The following TMIGD1 variants were observed in gnomAD, a reference collection of about 807,000 sequenced individuals.
TMIGD1 encodes transmembrane and immunoglobulin domain containing 1.
A neutral mutation model predicts 27.5 loss-of-function variants in TMIGD1; 29 were observed. That is an observed-to-expected ratio of 1.05 (90% CI 0.78 to 1.44). The LOEUF is 1.44. TMIGD1 is among the 40% of genes most tolerant of loss of function. The probability of loss-of-function intolerance (pLI) is 0.00; values close to 1 mark genes in which losing one functional copy is unlikely to be tolerated. For missense variants in TMIGD1, 334 were observed against 310.6 expected (o/e 1.08, Z -0.57); for synonymous variants, 109 against 110.3 (o/e 0.99, Z 0.07).
intron 3 of TMIGD1, among the ~76,000 whole-genome samples, chr17:30,326,236 A>G (rs894260655): frequency 6.6e-6 from 1 of 152,182 alleles, no homozygotes; most frequent in Admixed American, 6.5e-5. Context: ...CCATTTGTGG[A>G]CAGATTCTGT....
Position 30,329,290 on chromosome 17 carries a change from C to T in TMIGD1, c.322G>A (p.Asp108Asn), listed in dbSNP as rs1243152582. The T allele has an allele frequency of 1.2e-6, 2 of 1,614,124 alleles. No homozygotes were observed. Among genetic ancestry groups the T allele is most frequent in the Non-Finnish European group, 1.7e-6 (2 of 1,180,026 alleles). Residue 108 changes from aspartate to asparagine, a missense_variant, in exon 3 of 7, where the codon GAT becomes AAT. By Grantham distance (23) the Asp-to-Asn change is conservative. Coordinates refer to ENST00000328886, the MANE Select transcript of TMIGD1 (RefSeq NM_206832.3). ...ACCACCGAAACGGACACGGACTGAT[C>T]CCTCCCCAGCCTGCAGGTAAAGCTG... ...GISFTCRLGR[D>N]QSVSVSVVLN...
chr17:30,317,299 A>G (rs561848512), intron 5 of TMIGD1, 66 bp from the exon 6 acceptor site: 46 of 1,582,084 alleles, frequency 2.9e-5, no homozygotes, highest in Admixed American at 1.5e-4. Context: ...TTTTGAATGC[A>G]TTAAGATGGC....
intron 5 of TMIGD1, among the ~76,000 whole-genome samples, chr17:30,318,401 A>T (rs1407113844): frequency 6.6e-6 from 1 of 152,236 alleles, no homozygotes; most frequent in Non-Finnish European, 1.5e-5. Context: ...CAGCCAGGGC[A>T]TGTGGCTATA....
intron 2 of TMIGD1, 129 bp downstream of exon 2, chr17:30,331,923 T>C: frequency 1.5e-6 from 1 of 660,368 alleles, no homozygotes; most frequent in South Asian, 1.9e-5. Context: ...ACTCCTGTAC[T>C]GTGAGCCATG....
Position 30,325,058 on chromosome 17 carries a change from A to G in TMIGD1, c.398T>C (p.Val133Ala). Residue 133 changes from valine to alanine, a missense_variant, in exon 4 of 7, where the codon GTT becomes GCT. Transcript: ENST00000328886. ...PLLSGNDFQT[V>A]EEGSNVKLVC... ...CAACTTCACATTACTGCCTTCCTCA[A>G]CTGTTTGGAAGTCGTTTCCACTTAG... 6.2e-7 allele frequency: 1 copy of G among 1,613,946 alleles called. No individual in the cohort carries two copies. Among genetic ancestry groups the G allele is most frequent in the Non-Finnish European group, 8.5e-7 (1 of 1,179,888 alleles).
At chr17:30,318,090 AG>A (rs1330683796) in intron 5 of TMIGD1, among the ~76,000 whole-genome samples, 3 of 150,274 alleles carry the variant, frequency 2.0e-5, no homozygotes, top group Non-Finnish European at 4.5e-5. Flanking sequence ...AAAGAAAGAA[AG>A]GAAGACAGAA....
intron 3 of TMIGD1, among the ~76,000 whole-genome samples, chr17:30,326,520 TTCTC>T (rs1056860880): frequency 3.3e-5 from 5 of 152,202 alleles, no homozygotes; most frequent in African/African-American, 1.2e-4. Context: ...AATACTTCCT[TTCTC>T]TCAGTAACTT....
At position 30,316,668 on chromosome 17, in the gene TMIGD1, C is replaced by G; in HGVS notation, c.*19G>C. The G allele has an allele frequency of 6.2e-7, 1 of 1,613,000 alleles. No homozygotes were observed. Among genetic ancestry groups the G allele is most frequent in the Non-Finnish European group, 8.5e-7 (1 of 1,179,436 alleles). ...CCTGATGCAAAACTCTCTCTGTATT[C>G]GATGGCATCTCAGCTTTCTCATCTG... On this transcript the variant is annotated 3_prime_UTR_variant, in exon 7 of 7. Coordinates refer to ENST00000328886, the MANE Select transcript of TMIGD1 (RefSeq NM_206832.3).
chr17:30,322,525 G>A (rs1328390794), intron 4 of TMIGD1, among the ~76,000 whole-genome samples: 4 of 152,134 alleles, frequency 2.6e-5, no homozygotes, highest in African/African-American at 9.7e-5. Context: ...TTGAGACAGA[G>A]TTTCACTCTT....
intron 5 of TMIGD1, among the ~76,000 whole-genome samples, chr17:30,317,754 C>T (rs1335438308): frequency 3.7e-5 from 5 of 136,744 alleles, no homozygotes; most frequent in Non-Finnish European, 6.3e-5. Flanking sequence ...AGCAAGAATC[C>T]ATCTCAAAAA....
Position 30,318,870 on chromosome 17 carries a change from A to G in TMIGD1, c.684T>C (p.Cys228=). The G allele has an allele frequency of 1.2e-6, 2 of 1,614,008 alleles. No individual in the cohort carries two copies. The highest frequency in any genetic ancestry group is 1.7e-6 in the Non-Finnish European group (2 of 1,179,916). The change falls in exon 5 of 7, where the codon TGT becomes TGC. Residue 228 remains cysteine (C), a synonymous_variant. Coordinates refer to ENST00000328886, the MANE Select transcript of TMIGD1 (RefSeq NM_206832.3). The stretch of plus-strand genomic sequence containing the variant: ...AGCACAATGTCAGAAAGATCACAAC[A>G]CATGCAGCAATAATGGGCTCTATTG... The part of the protein sequence containing the change: ...GVPIEPIIAA[C]VVIFLTLCFG...
chr17:30,328,912 C>T (rs1447771791), intron 3 of TMIGD1, among the ~76,000 whole-genome samples: 2 of 140,224 alleles, frequency 1.4e-5, no homozygotes, highest in African/African-American at 2.7e-5. Context: ...TGCAGTGAGC[C>T]GAGATTGCGC....
chr17:30,316,718 A>G, intron 6 of TMIGD1, 28 bp from the exon 7 acceptor site: 2 of 1,609,020 alleles, frequency 1.2e-6, no homozygotes, highest in Non-Finnish European at 1.7e-6. Context: ...ATTAATAATA[A>G]TGATGCTCAT....
At chr17:30,330,445 T>C (rs1389030624) in intron 2 of TMIGD1, among the ~76,000 whole-genome samples, 1 of 152,186 alleles carries the variant, frequency 6.6e-6, no homozygotes, top group African/African-American at 2.4e-5. Flanking sequence ...GTATAAACTT[T>C]AGGCAAAAAG....
chr17:30,330,135 G>A (rs1305022319), intron 2 of TMIGD1, among the ~76,000 whole-genome samples: 1 of 151,992 alleles, frequency 6.6e-6, no homozygotes, highest in African/African-American at 2.4e-5. Flanking sequence ...CTGATTAGTT[G>A]ACATGAGTGC....
chr17:30,321,801 C>T lies in TMIGD1; in HGVS notation c.641-2888G>A, dbSNP rs1483726954. On this transcript the variant is annotated intron_variant, in intron 4 of 6. Coordinates refer to ENST00000328886, the MANE Select transcript of TMIGD1 (RefSeq NM_206832.3). ...AAATAGGGTTTATCTCCCCTGTCCC[C>T]ATAACTGTATAACACACTAACCAGT... Among the ~76,000 whole-genome samples, 5 of 152,154 alleles carry T rather than the reference C, an allele frequency of 3.3e-5. 1 individual carries two copies. Among genetic ancestry groups the T allele is most frequent in the Admixed American group, 3.3e-4 (5 of 15,278 alleles).
intron 3 of TMIGD1, among the ~76,000 whole-genome samples, chr17:30,327,873 G>A (rs566478942): frequency 1.3e-5 from 2 of 151,892 alleles, no homozygotes; most frequent in East Asian, 3.9e-4. Flanking sequence ...TGCAGAACCA[G>A]CTTTTCACCC....
intron 1 of TMIGD1, 129 bp from the exon 2 acceptor site, chr17:30,332,287 T>C: frequency 1.9e-6 from 1 of 537,410 alleles, no homozygotes; most frequent in Non-Finnish European, 3.3e-6. Flanking sequence ...GTACTACTTC[T>C]AGCTTTTAAT....
chr17:30,333,825 A>G (rs1487046548), intron 1 of TMIGD1, among the ~76,000 whole-genome samples, 175 bp downstream of exon 1: 1 of 152,182 alleles, frequency 6.6e-6, no homozygotes, highest in African/African-American at 2.4e-5. Flanking sequence ...ATAAAAACTG[A>G]GAGTGCAGGC....
Sources: gnomAD v4.1 joint callset for allele counts (sites outside exome capture counted in the v4.1 genomes callset) on GRCh38, gnomAD v4.1.1 for gene constraint, MANE v1.5 for transcripts, NCBI Gene and HGNC (gene_info 2026-07-23, HGNC 2026-07-21) for gene names.